The following IQGAP2 variants were observed in gnomAD, a reference collection of about 807,000 sequenced individuals.
The protein encoded by IQGAP2 is ras GTPase-activating-like protein IQGAP2.
Under a neutral mutation model 201.3 loss-of-function variants are expected in IQGAP2, and 173 were observed. That is an observed-to-expected ratio of 0.86 (90% CI 0.76 to 0.98). IQGAP2 has a LOEUF of 0.98. Ranked by LOEUF, IQGAP2 falls within the 50% of genes least tolerant of loss-of-function variation. The pLI, the probability that IQGAP2 is intolerant of heterozygous loss-of-function variation, is 0.00. For missense variants in IQGAP2, 1,687 were observed against 1,864.8 expected, an observed-to-expected ratio of 0.90 and a Z score of 1.76; for synonymous variants, 675 against 673.9, an observed-to-expected ratio of 1.00 and a Z score of -0.03.
chr5:76,518,270 A>T (rs1758459012), intron 2 of IQGAP2, among the ~76,000 whole-genome samples: 1 of 152,176 alleles, frequency 6.6e-6, no homozygotes. Flanking sequence ...CCCAAGAAAG[A>T]TATTTAATTG....
At chr5:76,588,121 C>T (rs1746377673) in intron 5 of IQGAP2, among the ~76,000 whole-genome samples, 1 of 152,148 alleles carries the variant, frequency 6.6e-6, no homozygotes, top group South Asian at 2.1e-4. Context: ...TATGGAGCTT[C>T]ATCTCACATC....
chr5:76,623,208 G>C, intron 13 of IQGAP2: 1 of 1,614,222 alleles, frequency 6.2e-7, no homozygotes, highest in Non-Finnish European at 8.5e-7. Flanking sequence ...GAGGCCAGCA[G>C]CTGCAAAGAT....
intron 2 of IQGAP2, among the ~76,000 whole-genome samples, chr5:76,505,181 G>A (rs1757542831): frequency 6.6e-6 from 1 of 151,988 alleles, no homozygotes; most frequent in Non-Finnish European, 1.5e-5. Flanking sequence ...TCAGTGCCTA[G>A]GGCAGACCCC....
chr5:76,570,519 C>A, intron 3 of IQGAP2, 61 bp from the exon 4 acceptor site: 1 of 1,137,828 alleles, frequency 8.8e-7, no homozygotes, highest in Non-Finnish European at 1.3e-6. Context: ...AAAGTTATTG[C>A]AAATGACTCA....
intron 1 of IQGAP2, among the ~76,000 whole-genome samples, chr5:76,431,277 A>AT: frequency 6.6e-6 from 1 of 152,048 alleles, no homozygotes; most frequent in South Asian, 2.1e-4. Context: ...GCTATGTGAG[A>AT]TTTTAACTTT....
intron 1 of IQGAP2, among the ~76,000 whole-genome samples, chr5:76,413,014 C>T (rs1163953113): frequency 1.3e-5 from 2 of 152,134 alleles, no homozygotes; most frequent in Non-Finnish European, 2.9e-5. Context: ...CCCCTCATTA[C>T]TGCTGCCCCT....
chr5:76,556,325 C>G (rs1462908232), intron 2 of IQGAP2, among the ~76,000 whole-genome samples: 1 of 152,122 alleles, frequency 6.6e-6, no homozygotes, highest in African/African-American at 2.4e-5. Flanking sequence ...CTTTACAGTA[C>G]AGGTGGCTGG....
intron 2 of IQGAP2, among the ~76,000 whole-genome samples, chr5:76,490,248 G>A (rs138898395): frequency 6.6e-6 from 1 of 152,218 alleles, no homozygotes; most frequent in East Asian, 1.9e-4. Flanking sequence ...GATTCATTTA[G>A]GCAACTCTGG....
chr5:76,541,872 C>T (rs1742799426), intron 2 of IQGAP2, among the ~76,000 whole-genome samples: 1 of 152,314 alleles, frequency 6.6e-6, no homozygotes, highest in Non-Finnish European at 1.5e-5. Flanking sequence ...CATAGCCAAC[C>T]TTCACTTATA....
At chr5:76,417,817 AGTGATCC>A (rs1287175763) in intron 1 of IQGAP2, among the ~76,000 whole-genome samples, 1 of 151,836 alleles carries the variant, frequency 6.6e-6, no homozygotes. Flanking sequence ...CCTGAGCTCA[AGTGATCC>A]GCCTCCCTCA....
chr5:76,598,060 A>T (rs1227089342), intron 10 of IQGAP2, among the ~76,000 whole-genome samples: 1 of 152,206 alleles, frequency 6.6e-6, no homozygotes, highest in Non-Finnish European at 1.5e-5. Context: ...ATTCAACAAT[A>T]ATTTCATACA....
chr5:76,487,187 C>T (rs1304125984), intron 2 of IQGAP2, among the ~76,000 whole-genome samples: 1 of 151,852 alleles, frequency 6.6e-6, no homozygotes, highest in African/African-American at 2.4e-5. Context: ...CAACCTCCGC[C>T]TCCCAGGTTC....
chr5:76,688,746 A>G (rs558969593), intron 30 of IQGAP2, among the ~76,000 whole-genome samples: 10 of 152,354 alleles, frequency 6.6e-5, no homozygotes, highest in Admixed American at 6.5e-4. Flanking sequence ...GAGAAAGAGA[A>G]TAACATGTGC....
intron 18 of IQGAP2, among the ~76,000 whole-genome samples, chr5:76,653,990 T>C (rs1007441535): frequency 6.6e-6 from 1 of 152,222 alleles, no homozygotes; most frequent in African/African-American, 2.4e-5. Flanking sequence ...TAGAGTAACA[T>C]GTAAAGCGTT....
At chr5:76,504,571 C>A (rs1247258904) in intron 2 of IQGAP2, among the ~76,000 whole-genome samples, 2 of 152,112 alleles carry the variant, frequency 1.3e-5, no homozygotes, top group African/African-American at 4.8e-5. Context: ...CTTCCGTGAG[C>A]CCCAGATCTG....
chr5:76,442,573 G>T (rs1309626203), intron 1 of IQGAP2, among the ~76,000 whole-genome samples: 1 of 152,176 alleles, frequency 6.6e-6, no homozygotes, highest in South Asian at 2.1e-4. Flanking sequence ...CTGGTCACTC[G>T]TGCTACCTTG....
At chr5:76,636,442 T>C (rs957091197) in intron 15 of IQGAP2, among the ~76,000 whole-genome samples, 1 of 152,256 alleles carries the variant, frequency 6.6e-6, no homozygotes, top group African/African-American at 2.4e-5. Context: ...TTCTCATTTC[T>C]TGTGGTTGCA....
At chr5:76,597,860 T>C (rs1747149081) in intron 10 of IQGAP2, among the ~76,000 whole-genome samples, 1 of 152,240 alleles carries the variant, frequency 6.6e-6, no homozygotes, top group Non-Finnish European at 1.5e-5. Context: ...TAGGTTGTTC[T>C]TATTTTCTGT....
intron 2 of IQGAP2, among the ~76,000 whole-genome samples, chr5:76,527,679 C>T (rs755062699): frequency 2.7e-4 from 41 of 152,200 alleles, no homozygotes; most frequent in Non-Finnish European, 2.4e-4. Flanking sequence ...CCTTGGCCAT[C>T]ATTGTGATCA....
Sources: gnomAD v4.1 joint callset for allele counts (sites outside exome capture counted in the v4.1 genomes callset) on GRCh38, gnomAD v4.1.1 for gene constraint, MANE v1.5 for transcripts, NCBI Gene and HGNC (gene_info 2026-07-23, HGNC 2026-07-21) for gene names.